STAU2: variants seen among roughly 807,000 people sequenced by gnomAD.
The protein encoded by STAU2 is double-stranded RNA-binding protein Staufen homolog 2.
STAU2 carries 20 observed loss-of-function variants against 65.9 expected under a neutral mutation model. The ratio of observed to expected loss-of-function variants is 0.30; its 90% confidence interval spans 0.21 to 0.44. STAU2 has a LOEUF of 0.44. Ranked by LOEUF, STAU2 falls within the 20% of genes least tolerant of loss-of-function variation. STAU2 has a pLI of 1.00. For synonymous variants in STAU2, 232 were observed against 233.9 expected (o/e 0.99, Z 0.07); for missense variants, 558 against 683.9 (o/e 0.82, Z 2.05).
At chr8:73,717,474 AT>A (rs1821330845) in intron 3 of STAU2, among the ~76,000 whole-genome samples, 1 of 152,214 alleles carries the variant, frequency 6.6e-6, no homozygotes, top group South Asian at 2.1e-4. Context: ...CATTTTTTGT[AT>A]ATCAATATCC....
At chr8:73,595,057 T>A in intron 11 of STAU2, 109 bp downstream of exon 11, 1 of 924,494 alleles carries the variant, frequency 1.1e-6, no homozygotes, top group Non-Finnish European at 1.6e-6. Context: ...TTGTATTGCC[T>A]CAGAAAAGTT....
At chr8:73,624,355 A>G (rs910017454) in intron 6 of STAU2, among the ~76,000 whole-genome samples, 1 of 152,204 alleles carries the variant, frequency 6.6e-6, no homozygotes, top group Non-Finnish European at 1.5e-5. Flanking sequence ...CCATTATTGT[A>G]AACACACAAT....
At chr8:73,687,383 T>TA (rs1818988149) in intron 5 of STAU2, among the ~76,000 whole-genome samples, 5 of 115,150 alleles carry the variant, frequency 4.3e-5, no homozygotes, top group East Asian at 2.2e-4. Context: ...ATAATTTATA[T>TA]TTATAAAAAT....
intron 12 of STAU2, among the ~76,000 whole-genome samples, chr8:73,577,297 A>C (rs987079024): frequency 6.6e-6 from 1 of 151,890 alleles, no homozygotes; most frequent in African/African-American, 2.4e-5. Context: ...GCGTGGTGGC[A>C]GGCGCCTATA....
chr8:73,445,522 C>G (rs937167319), intron 13 of STAU2, among the ~76,000 whole-genome samples: 1 of 152,146 alleles, frequency 6.6e-6, no homozygotes, highest in Non-Finnish European at 1.5e-5. Flanking sequence ...TGGACCTCAT[C>G]AAATTACAAC....
Position 73,623,560 on chromosome 8 carries a change from G to A in STAU2, c.411-6109C>T, listed in dbSNP as rs541252815. On this transcript the variant is annotated intron_variant, in intron 6 of 14. Coordinates refer to ENST00000524300, the MANE Select transcript of STAU2 (RefSeq NM_001164380.2). ...CTGTGTTTATTTCTAACATTGACTG[G>A]AAACAGAAATGTCACTTAACCTTTC... 1.1e-4 allele frequency among the ~76,000 whole-genome samples: 16 copies of A among 152,214 alleles called. No individual in the cohort carries two copies. In the South Asian group the frequency reaches 2.5e-3, roughly 24 times the overall value.
chr8:73,425,029 A>G (rs1816692348), intron 13 of STAU2, among the ~76,000 whole-genome samples: 2 of 152,256 alleles, frequency 1.3e-5, no homozygotes, highest in East Asian at 1.9e-4. Flanking sequence ...ATGCTGGACA[A>G]CAGCCAGGTG....
At chr8:73,589,185 T>C (rs1383875746) in intron 11 of STAU2, among the ~76,000 whole-genome samples, 1 of 152,122 alleles carries the variant, frequency 6.6e-6, no homozygotes, top group Non-Finnish European at 1.5e-5. Flanking sequence ...AAACCCAAAA[T>C]GAATTCAGTT....
At chr8:73,655,168 T>G (rs577522928) in intron 6 of STAU2, among the ~76,000 whole-genome samples, 1 of 152,248 alleles carries the variant, frequency 6.6e-6, no homozygotes, top group Non-Finnish European at 1.5e-5. Context: ...GTTACACATA[T>G]TCTTGCATAT....
chr8:73,692,266 C>T lies in STAU2; in HGVS notation c.115-3453G>A, dbSNP rs192597423. 1.9e-3 allele frequency among the ~76,000 whole-genome samples: 292 copies of T among 151,780 alleles called. 5 individuals are homozygous for T. The highest frequency in any genetic ancestry group is 1.0e-3 in the Non-Finnish European group (71 of 67,942). On this transcript the variant is annotated intron_variant, in intron 4 of 14. Coordinates refer to ENST00000524300, the MANE Select transcript of STAU2 (RefSeq NM_001164380.2). ...AAGGTTGGAGTGCATGGCACAATCTCGTCTCATTGCAACCTCCGCCTCCCA... is the reference window on the plus strand; with the variant it reads ...AAGGTTGGAGTGCATGGCACAATCTTGTCTCATTGCAACCTCCGCCTCCCA...
intron 12 of STAU2, among the ~76,000 whole-genome samples, chr8:73,573,663 A>G (rs1809285393): frequency 6.6e-6 from 1 of 152,246 alleles, no homozygotes; most frequent in Non-Finnish European, 1.5e-5. Context: ...AGGATTCCCT[A>G]TTCAACAAAT....
intron 13 of STAU2, among the ~76,000 whole-genome samples, chr8:73,549,256 A>G (rs1807151978): frequency 1.3e-5 from 2 of 152,208 alleles, no homozygotes; most frequent in African/African-American, 4.8e-5. Flanking sequence ...AAAACATTTA[A>G]AAGAATATAA....
intron 5 of STAU2, among the ~76,000 whole-genome samples, chr8:73,687,959 C>T (rs552033475): frequency 1.1e-3 from 160 of 151,430 alleles, no homozygotes; most frequent in Non-Finnish European, 1.9e-3. Context: ...CGTGATCCAC[C>T]TGCCTCGGCC....
chr8:73,617,473 A>T (rs1253930230), intron 6 of STAU2, 22 bp from the exon 7 acceptor site: 3 of 1,606,144 alleles, frequency 1.9e-6, no homozygotes, highest in Non-Finnish European at 2.5e-6. Context: ...AAATAAAAAC[A>T]TTAAAGTTAG....
chr8:73,493,191 A>G (rs1405069509), intron 13 of STAU2, among the ~76,000 whole-genome samples: 2 of 151,878 alleles, frequency 1.3e-5, no homozygotes, highest in Non-Finnish European at 2.9e-5. Flanking sequence ...TTTAGATGAA[A>G]TCAAAAGAGA....
At chr8:73,579,496 C>T (rs184811128) in intron 12 of STAU2, among the ~76,000 whole-genome samples, 178 of 152,268 alleles carry the variant, frequency 1.2e-3, no homozygotes, top group Admixed American at 4.2e-3. Flanking sequence ...GAGATGTTAT[C>T]AGCTGAACTG....
At chr8:73,735,021 A>G (rs1330596995) in intron 3 of STAU2, among the ~76,000 whole-genome samples, 1 of 152,046 alleles carries the variant, frequency 6.6e-6, no homozygotes, top group Non-Finnish European at 1.5e-5. Context: ...TGCAGCCTCA[A>G]CCTCCCAGGC....
chr8:73,716,589 G>C (rs966239270), intron 3 of STAU2, among the ~76,000 whole-genome samples: 1 of 152,178 alleles, frequency 6.6e-6, no homozygotes, highest in Non-Finnish European at 1.5e-5. Flanking sequence ...CTTAACTTCA[G>C]TCATTCTAAA....
intron 13 of STAU2, among the ~76,000 whole-genome samples, chr8:73,434,845 A>T (rs1209507352): frequency 6.6e-6 from 1 of 151,730 alleles, no homozygotes; most frequent in Non-Finnish European, 1.5e-5. Context: ...TTCCTAAGAG[A>T]ATCCTATCAT....
Sources: gnomAD v4.1 joint callset for allele counts (sites outside exome capture counted in the v4.1 genomes callset) on GRCh38, gnomAD v4.1.1 for gene constraint, MANE v1.5 for transcripts, NCBI Gene and HGNC (gene_info 2026-07-23, HGNC 2026-07-21) for gene names.